TSC1: variants seen among roughly 807,000 people sequenced by gnomAD.
TSC1 encodes hamartin.
A neutral mutation model predicts 124.3 loss-of-function variants in TSC1; 20 were observed. The observed-to-expected ratio is 0.16, with a 90% confidence interval of 0.11 to 0.23. The LOEUF is 0.23. Ranked by LOEUF, TSC1 falls within the 10% of genes least tolerant of loss-of-function variation. TSC1 has a pLI of 1.00. For synonymous variants in TSC1, 493 were observed against 539.1 expected (o/e 0.91, Z 1.19); for missense variants, 1,124 against 1,448.5 (o/e 0.78, Z 3.64).
intron 11 of TSC1, 79 bp from the exon 12 acceptor site, chr9:132,910,771 CTATTACT>C (rs1845913926): frequency 6.3e-7 from 1 of 1,593,024 alleles, no homozygotes; most frequent in African/African-American, 1.3e-5. Context: ...CAGCCTATAA[CTATTACT>C]ATAAATAAAG....
At position 132,917,574 on chromosome 9, in the gene TSC1, C is replaced by T. The variant is rs117451233; in HGVS notation, c.737+3789G>A. On this transcript the variant is annotated intron_variant, in intron 8 of 22. Transcript: ENST00000298552. ...CTCGAACTCCTGACCTCAAGAGATC[C>T]TCCCCCGTCCGCCTCCCAAAGTGCT... Among the ~76,000 whole-genome samples the T allele has an allele frequency of 9.5e-4, 144 of 152,236 alleles. 2 individuals are homozygous for T. In the East Asian group the frequency reaches 0.025, roughly 27 times the overall value.
At chr9:132,942,344 C>G (rs1200429777) in intron 1 of TSC1, 1 of 152,214 alleles carries the variant, frequency 6.6e-6, no homozygotes, top group Non-Finnish European at 1.5e-5. Context: ...TGTAGGTCTA[C>G]CTAGTATAGT....
intron 1 of TSC1, among the ~76,000 whole-genome samples, chr9:132,939,508 C>T (rs1178502294): frequency 3.9e-5 from 6 of 152,192 alleles, no homozygotes. Flanking sequence ...TATAGCCTAT[C>T]CCAAAGGTGA....
chr9:132,944,402 G>T, intron 1 of TSC1, 141 bp downstream of exon 1: 1 of 393,820 alleles, frequency 2.5e-6, no homozygotes, highest in Non-Finnish European at 4.5e-6. Context: ...AGAGCTCTCC[G>T]AACCCCCCTT....
chr9:132,902,719 A>G lies in TSC1; in HGVS notation c.2277T>C (p.Ala759=). 2 of 1,614,154 alleles carry G rather than the reference A, an allele frequency of 1.2e-6. No homozygotes were observed. The highest frequency in any genetic ancestry group is 1.7e-6 in the Non-Finnish European group (2 of 1,180,034). ...MWKVSLQKEQ[A]RYNQLQEQRD... Reference sequence around the variant, plus strand: ...GCTGCTCCTGGAGCTGATTGTATCTAGCTTGTTCTTTCTGCAGACTAACCT... The same window carrying G: ...GCTGCTCCTGGAGCTGATTGTATCTGGCTTGTTCTTTCTGCAGACTAACCT... Residue 759 remains alanine (A), a synonymous_variant, in exon 18 of 23, where the codon GCT becomes GCC. Transcript: ENST00000298552. The surrounding 1 kb of genome is among the most constrained non-coding windows in gnomAD (Gnocchi z 5.2).
At position 132,901,660 on chromosome 9, in the gene TSC1, G is replaced by C. The variant is rs397514814; in HGVS notation, c.2431C>G (p.Arg811Gly). Residue 811 changes from arginine to glycine, a missense_variant, in exon 19 of 23, where the codon CGG becomes GGG. Physicochemically the swap from Arg to Gly is moderately radical, Grantham distance 125. This residue lies in a region of TSC1 where 321 missense variants were observed against 397.4 expected (regional missense o/e 0.81). Coordinates refer to ENST00000298552, the MANE Select transcript of TSC1 (RefSeq NM_000368.5). ...TTGTTGGCCTTCTTCAGTTCTATCC[G>C]CAGCTCCGCAATCATGTTCCTGCAG... ...EDCRNMIAEL[R>G]IELKKANNKV... 1.2e-6 allele frequency: 2 copies of C among 1,613,932 alleles called. No homozygotes were observed. The highest frequency in any genetic ancestry group is 1.3e-5 in the African/African-American group (1 of 74,896).
chr9:132,924,025 T>C (rs1846718231), intron 5 of TSC1, among the ~76,000 whole-genome samples: 1 of 151,542 alleles, frequency 6.6e-6, no homozygotes, highest in African/African-American at 2.4e-5. Context: ...ACTTAAAGGC[T>C]CACTTCAAAG....
chr9:132,917,143 T>C (rs1244183961), intron 8 of TSC1, among the ~76,000 whole-genome samples: 3 of 152,214 alleles, frequency 2.0e-5, no homozygotes, highest in Admixed American at 2.0e-4. Context: ...TTCATTTTTT[T>C]CTTTCTCTGA....
intron 20 of TSC1, among the ~76,000 whole-genome samples, chr9:132,898,681 T>C (rs994015744): frequency 3.3e-5 from 5 of 152,218 alleles, no homozygotes; most frequent in African/African-American, 7.2e-5. Context: ...ATGCAAAGCA[T>C]TGAACCAGGA....
At position 132,910,985 on chromosome 9, in the gene TSC1, A is replaced by AC; in HGVS notation, c.1141+16dup. The stretch of plus-strand genomic sequence containing the variant: ...GGCCAAAACCAACTAATCAAATCCA[A>AC]CCTAAGACATACATACCAGTTGTAC... On this transcript the variant is annotated intron_variant, in intron 11 of 22. Transcript: ENST00000298552. The AC allele has an allele frequency of 6.2e-7, 1 of 1,609,774 alleles. No individual in the cohort carries two copies. Among genetic ancestry groups the AC allele is most frequent in the Non-Finnish European group, 8.5e-7 (1 of 1,176,020 alleles).
Position 132,935,882 on chromosome 9 carries a change from C to T in TSC1, c.-143-787G>A, listed in dbSNP as rs74951316. ...CTCCTAGGCCTCTACTTGCCTCCCA[C>T]TTCCACCTTCCAGACTAGGTCAGGT... On this transcript the variant is annotated intron_variant, in intron 1 of 22. Coordinates refer to ENST00000298552, the MANE Select transcript of TSC1 (RefSeq NM_000368.5). 2.1e-3 allele frequency among the ~76,000 whole-genome samples: 315 copies of T among 152,376 alleles called. 10 individuals are homozygous for T. In the East Asian group the frequency reaches 0.056, roughly 27 times the overall value.
rs746909024 is a variant in TSC1, at chr9:132,903,809, G to A, written c.2050C>T (p.Pro684Ser). 1.9e-6 allele frequency: 3 copies of A among 1,613,934 alleles called. No homozygotes were observed. The highest frequency in any genetic ancestry group is 2.5e-6 in the Non-Finnish European group (3 of 1,180,030). Residue 684 changes from proline to serine, a missense_variant, in exon 17 of 23, where the codon CCT becomes TCT. By Grantham distance (74) the Pro-to-Ser change is moderately conservative. Transcript: ENST00000298552. The surrounding 1 kb of genome is among the most constrained non-coding windows in gnomAD (Gnocchi z 5.9). ...CGGAGGGTGCGGATCTCATCTGAAGGAGGAGAGCCTGATTGTAAAGCAGAG... is the reference window on the plus strand; with the variant it reads ...CGGAGGGTGCGGATCTCATCTGAAGAAGGAGAGCCTGATTGTAAAGCAGAG... ...VDWTHFGGSP[P>S]SDEIRTLRDQ...
At chr9:132,914,705 A>T (rs1274875665) in intron 8 of TSC1, among the ~76,000 whole-genome samples, 2 of 93,876 alleles carry the variant, frequency 2.1e-5, no homozygotes, top group East Asian at 5.0e-4. Context: ...AAAAAATACA[A>T]AAAAAAAAAA....
intron 1 of TSC1, among the ~76,000 whole-genome samples, chr9:132,940,355 A>G (rs1269205083): frequency 6.6e-6 from 1 of 152,214 alleles, no homozygotes; most frequent in Non-Finnish European, 1.5e-5. Context: ...GCCATATCCA[A>G]AATCCCATGT....
chr9:132,896,430 G>A lies in TSC1; in HGVS notation c.3300C>T (p.Ser1100=), dbSNP rs754282309. The change falls in exon 23 of 23, where the codon AGC becomes AGT. Residue 1100 remains serine, a synonymous_variant. Transcript: ENST00000298552. This position sits in a 1 kb window ranked among gnomAD's most constrained non-coding sequence, Gnocchi z 4.5. The part of the protein sequence containing the change: ...MKARELFRNK[S]ESQCDEDGMT... The stretch of plus-strand genomic sequence containing the variant: ...TGCCGTCCTCATCACACTGGCTCTC[G>A]CTCTTATTACGAAATAACTCTCGAG... 8 of 1,613,986 alleles carry A rather than the reference G, an allele frequency of 5.0e-6. No homozygotes were observed. Among genetic ancestry groups the A allele is most frequent in the Admixed American group, 1.7e-5 (1 of 59,996 alleles).
rs534784163 is a variant in TSC1, at chr9:132,944,223, G to C, written c.-144+320C>G. Among the ~76,000 whole-genome samples, 32 of 152,224 alleles carry C rather than the reference G, an allele frequency of 2.1e-4. 1 individual carries two copies. The highest frequency in any genetic ancestry group is 7.7e-4 in the African/African-American group (32 of 41,546). ...CTGTCACCCCACCAAGTGAGGGACT[G>C]ACGAAGGGGCCCACCTCGCCCCTGC... On this transcript the variant is annotated intron_variant, in intron 1 of 22. Coordinates refer to ENST00000298552, the MANE Select transcript of TSC1 (RefSeq NM_000368.5).
At chr9:132,944,437 G>A in intron 1 of TSC1, 106 bp downstream of exon 1, 1 of 396,864 alleles carries the variant, frequency 2.5e-6, no homozygotes, top group Non-Finnish European at 4.4e-6. Flanking sequence ...CCAAGCAAGT[G>A]AGTCTCTTGC....
At chr9:132,907,694 T>C (rs144390897) in intron 12 of TSC1, among the ~76,000 whole-genome samples, 11 of 152,260 alleles carry the variant, frequency 7.2e-5, no homozygotes, top group African/African-American at 2.6e-4. Context: ...TTCTCCACAT[T>C]GGTCAGGCTG....
rs1360825696 is a variant in TSC1, at chr9:132,892,956, A to G, written c.*3279T>C. ...GTGCTGTTGCAAATGGGGACGGCCC[A>G]AGAGTCTGGAGTTTTGTTCCCTGCT... On this transcript the variant is annotated 3_prime_UTR_variant, in exon 23 of 23. Transcript: ENST00000298552. The G allele has an allele frequency of 2.6e-5, 6 of 233,160 alleles. No individual in the cohort carries two copies. The highest frequency in any genetic ancestry group is 5.1e-5 in the Non-Finnish European group (6 of 118,060). 14.4% of individuals were successfully genotyped at this position (233,160 alleles called of 1,614,324 possible). A position where few individuals can be genotyped will look rare whatever the true frequency, so the allele number is the denominator to read the frequency against.
Sources: allele counts gnomAD v4.1 joint callset (sites outside exome capture counted in the v4.1 genomes callset), GRCh38; gene constraint gnomAD v4.1.1; regional missense constraint gnomAD v4.1.1; non-coding constraint Gnocchi (gnomAD v3.1); transcripts MANE v1.5; gene names NCBI Gene and HGNC (gene_info 2026-07-23, HGNC 2026-07-21).